MRPL57: variants seen among roughly 807,000 people sequenced by gnomAD.
MRPL57 encodes mitochondrial ribosomal protein L57, also known as large ribosomal subunit protein mL63.
In MRPL57, 1 loss-of-function variant was observed where a neutral mutation model predicts 1.3. The ratio of observed to expected loss-of-function variants is 0.79; its 90% CI spans 0.28 to 3.75. The LOEUF (loss-of-function observed/expected upper bound fraction) is 3.75. Among genes scored for constraint, MRPL57 ranks in the 30% most tolerant of loss-of-function variants. MRPL57 has a pLI of 0.19. For synonymous variants in MRPL57, 79 were observed against 61.7 expected, an observed-to-expected ratio of 1.28 and a Z score of -1.31; for missense variants, 170 against 148.9, an observed-to-expected ratio of 1.14 and a Z score of -0.74.
In MRPL57 at chr13:21,177,241, C is replaced by T; in HGVS notation, c.*16C>T. The T allele has an allele frequency of 4.3e-6, 7 of 1,612,268 alleles. No homozygotes were observed. The highest frequency in any genetic ancestry group is 1.3e-5 in the African/African-American group (1 of 74,990). ...ATGGTCCTAATCCTGAGTCGTCACCCTTGGATTTTATGGATCACGGAGCTG... is the reference window on the plus strand; with the variant it reads ...ATGGTCCTAATCCTGAGTCGTCACCTTTGGATTTTATGGATCACGGAGCTG... On this transcript the variant is annotated 3_prime_UTR_variant, in exon 2 of 2. Transcript: ENST00000309594.
Position 21,177,187 on chromosome 13 carries a change from C to T in MRPL57, c.271C>T (p.Gln91Ter). ...KFPPHRFIAD[Q>*]LDHLNVTKKW... ...CCCCCCGCATAGATTCATTGCGGAC[C>T]AGCTCGACCATCTCAATGTCACCAA... Residue 91 changes from glutamine to a stop codon, truncating the protein, a stop_gained, in exon 2 of 2, where the codon CAG becomes TAG. Coordinates refer to ENST00000309594, the MANE Select transcript of MRPL57 (RefSeq NM_024026.5). LOFTEE classifies it high-confidence loss of function. 1 of 1,614,138 alleles carries T rather than the reference C, an allele frequency of 6.2e-7. No individual in the cohort carries two copies. The highest frequency in any genetic ancestry group is 8.5e-7 in the Non-Finnish European group (1 of 1,180,048).
chr13:21,176,788 G>A, intron 1 of MRPL57, 71 bp downstream of exon 1: 1 of 1,041,172 alleles, frequency 9.6e-7, no homozygotes, highest in East Asian at 2.5e-5. Context: ...TGGGCTCCCC[G>A]CTTCTCTGGA....
chr13:21,176,938 T>G lies in MRPL57; in HGVS notation c.22T>G (p.Trp8Gly), dbSNP rs1354370782. Residue 8 changes from tryptophan to glycine, a missense_variant, in exon 2 of 2, where the codon TGG becomes GGG. Physicochemically the swap from Trp to Gly is radical, Grantham distance 184. Coordinates refer to ENST00000309594, the MANE Select transcript of MRPL57 (RefSeq NM_024026.5). ...CACCATGTTCCTGACTGCGCTCCTC[T>G]GGCGCGGCCGCATTCCCGGCCGTCA... MFLTALL[W>G]RGRIPGRQWI... is the part of the protein sequence containing the mutation. 6.2e-7 allele frequency: 1 copy of G among 1,610,138 alleles called. No individual in the cohort carries two copies. The highest frequency in any genetic ancestry group is 1.1e-5 in the South Asian group (1 of 91,060).
chr13:21,177,922 GTTGCAGTGAGCCGAGAGCATGC>G lies in MRPL57; in HGVS notation c.*698_*719del, dbSNP rs1417758822. The G allele has an allele frequency of 6.1e-6, 1 of 162,796 alleles. No individual in the cohort carries two copies. The highest frequency in any genetic ancestry group is 2.4e-5 in the African/African-American group (1 of 41,434). The allele number at this position is 162,796 out of a possible 1,614,324, so 10.1% of individuals were successfully genotyped here. ...AGGCAGAGGTTGCAATGAAGCGGAG[GTTGCAGTGAGCCGAGAGCATGC>G]CGCTGCACTCCAGCCTGGGAGACTG... On this transcript the variant is annotated 3_prime_UTR_variant, in exon 2 of 2. Transcript: ENST00000309594.
chr13:21,178,514 G>GA lies in MRPL57; in HGVS notation c.*1291dup, dbSNP rs1871707200. 6.0e-6 allele frequency: 1 copy of GA among 166,918 alleles called. No homozygotes were observed. The highest frequency in any genetic ancestry group is 2.4e-5 in the African/African-American group (1 of 41,476). 10.3% of individuals were successfully genotyped at this position (166,918 alleles called of 1,614,324 possible). ...ACTATTGACTGGGAAGACACACAAA[G>GA]AACTTTGTCAAAGTTGTATGGCTGA... is the stretch of plus-strand genomic sequence containing the variant. On this transcript the variant is annotated 3_prime_UTR_variant, in exon 2 of 2. Coordinates refer to ENST00000309594, the MANE Select transcript of MRPL57 (RefSeq NM_024026.5).
Position 21,177,272 on chromosome 13 carries a change from C to A in MRPL57, c.*47C>A, listed in dbSNP as rs758258811. 6.3e-7 allele frequency: 1 copy of A among 1,580,546 alleles called. No homozygotes were observed. The highest frequency in any genetic ancestry group is 1.3e-5 in the African/African-American group (1 of 74,156). On this transcript the variant is annotated 3_prime_UTR_variant, in exon 2 of 2. Transcript: ENST00000309594. ...TTTTATGGATCACGGAGCTGACCATCTTTACCTGGTCCTGGAACTGAAAAA... is the reference window on the plus strand; with the variant it reads ...TTTTATGGATCACGGAGCTGACCATATTTACCTGGTCCTGGAACTGAAAAA...
rs377527771 is a variant in MRPL57 at position 21,176,870 on chromosome 13, G to A, written c.-5-42G>A. On this transcript the variant is annotated intron_variant, in intron 1 of 1. Coordinates refer to ENST00000309594, the MANE Select transcript of MRPL57 (RefSeq NM_024026.5). ...CCCGCTGCTCTCTCCAGGTCCGGCC[G>A]CGCCAGTTCGCCTCCGCAAAGCCCG... The A allele has an allele frequency of 5.3e-5, 84 of 1,583,492 alleles. No homozygotes were observed. In the African/African-American group the frequency reaches 1.1e-3, roughly 20 times the overall value.
At position 21,177,248 on chromosome 13, in the gene MRPL57, T is replaced by C; in HGVS notation, c.*23T>C. On this transcript the variant is annotated 3_prime_UTR_variant, in exon 2 of 2. Coordinates refer to ENST00000309594, the MANE Select transcript of MRPL57 (RefSeq NM_024026.5). Reference sequence around the variant, plus strand: ...TAATCCTGAGTCGTCACCCTTGGATTTTATGGATCACGGAGCTGACCATCT... The same window carrying C: ...TAATCCTGAGTCGTCACCCTTGGATCTTATGGATCACGGAGCTGACCATCT... 1 of 1,611,208 alleles carries C rather than the reference T, an allele frequency of 6.2e-7. No individual in the cohort carries two copies. The highest frequency in any genetic ancestry group is 8.5e-7 in the Non-Finnish European group (1 of 1,179,170).
Position 21,176,989 on chromosome 13 carries a change from C to T in MRPL57, c.73C>T (p.Arg25Trp), listed in dbSNP as rs760259136. Residue 25 changes from arginine (R) to tryptophan (W), a missense_variant, in exon 2 of 2, where the codon CGG becomes TGG. Arg to Trp is a moderately radical substitution (Grantham distance 101). Transcript: ENST00000309594. ...RQWIGKHRRP[R>W]FVSLRAKQNM... ...GTGGATCGGGAAGCACCGGCGGCCG[C>T]GGTTCGTGTCGTTGCGCGCCAAGCA... The T allele has an allele frequency of 3.7e-6, 6 of 1,612,172 alleles. No homozygotes were observed. Among genetic ancestry groups the T allele is most frequent in the Non-Finnish European group, 5.1e-6 (6 of 1,179,926 alleles).
intron 1 of MRPL57, 77 bp downstream of exon 1, chr13:21,176,794 C>G: frequency 9.1e-7 from 1 of 1,101,516 alleles, no homozygotes; most frequent in Admixed American, 2.6e-5. Context: ...CCCCGCTTCT[C>G]TGGAGGGGAG....
rs1379836798 is a variant in MRPL57, at chr13:21,179,002, C to CT, written c.*1783dup. The CT allele has an allele frequency of 6.0e-6, 1 of 166,842 alleles. No homozygotes were observed. The highest frequency in any genetic ancestry group is 2.4e-5 in the African/African-American group (1 of 41,376). 10.3% of individuals were successfully genotyped at this position (166,842 alleles called of 1,614,324 possible). ...CATATAATAATATAAATAAAAATAT[C>CT]TTTTTTGAAAATAATTTAATATACC... On this transcript the variant is annotated 3_prime_UTR_variant, in exon 2 of 2. Coordinates refer to ENST00000309594, the MANE Select transcript of MRPL57 (RefSeq NM_024026.5).
rs9550716 is a variant in MRPL57 at position 21,176,751 on chromosome 13, G to C, written c.-6+34G>C. 9.5e-6 allele frequency: 7 copies of C among 737,638 alleles called. No individual in the cohort carries two copies. The South Asian group carries it at 1.3e-4, about 14-fold the overall frequency. The allele number at this position is 737,638 out of a possible 1,614,324, so 45.7% of individuals were successfully genotyped here. On this transcript the variant is annotated intron_variant, in intron 1 of 1. Coordinates refer to ENST00000309594, the MANE Select transcript of MRPL57 (RefSeq NM_024026.5). ...CTGTGCGAATTCGGTTCTCTAGGGA[G>C]CTCCTTCTTCGCCTGCTGGCCTTAC...
In MRPL57 at chr13:21,177,133, G is replaced by T. The variant is rs1231485790; in HGVS notation, c.217G>T (p.Ala73Ser). Residue 73 changes from alanine (A) to serine (S), a missense_variant, in exon 2 of 2, where the codon GCC becomes TCC. Transcript: ENST00000309594. ...AAVRRREAFEAIKAAATSKFP... is the reference protein window; with the variant it reads ...AAVRRREAFESIKAAATSKFP... ...GGTGCGCAGGAGGGAGGCCTTCGAG[G>T]CCATAAAGGCGGCCGCCACTTCCAA... The T allele has an allele frequency of 6.2e-7, 1 of 1,613,948 alleles. No individual in the cohort carries two copies. Among genetic ancestry groups the T allele is most frequent in the Non-Finnish European group, 8.5e-7 (1 of 1,180,040 alleles).
rs904291956 is a variant in MRPL57 at position 21,176,688 on chromosome 13, G to A, written c.-35G>A. 7 of 662,570 alleles carry A rather than the reference G, an allele frequency of 1.1e-5. No individual in the cohort carries two copies. The highest frequency in any genetic ancestry group is 3.8e-5 in the African/African-American group (2 of 53,108). 41.0% of individuals were successfully genotyped at this position (662,570 alleles called of 1,614,324 possible). On this transcript the variant is annotated 5_prime_UTR_variant, in exon 1 of 2. Coordinates refer to ENST00000309594, the MANE Select transcript of MRPL57 (RefSeq NM_024026.5). ...CGCCACGGCGTCTGCTGGCGGCCGC[G>A]GAGACGCAGAGTCTTGAGCAGCGCG...
In MRPL57 at chr13:21,177,055, T is replaced by C; in HGVS notation, c.139T>C (p.Tyr47His). The C allele has an allele frequency of 1.2e-6, 2 of 1,613,744 alleles. No homozygotes were observed. Among genetic ancestry groups the C allele is most frequent in the Non-Finnish European group, 8.5e-7 (1 of 1,180,006 alleles). The change falls in exon 2 of 2, where the codon TAC becomes CAC. Residue 47 changes from tyrosine to histidine, a missense_variant. Transcript: ENST00000309594. ...CCTGGAGATCGAGGCGGAGAACCAT[T>C]ACTGGCTGAGCATGCCCTACATGAC... ...RRLEIEAENH[Y>H]WLSMPYMTRE...
At position 21,177,116 on chromosome 13, in the gene MRPL57, GGA is replaced by G; in HGVS notation, c.202_203del (p.Arg68GlyfsTer18). 1 of 1,613,990 alleles carries G rather than the reference GGA, an allele frequency of 6.2e-7. No individual in the cohort carries two copies. Among genetic ancestry groups the G allele is most frequent in the Non-Finnish European group, 8.5e-7 (1 of 1,180,038 alleles). Reference sequence around the variant, plus strand: ...GAGCGCGGCCACGCCGCGGTGCGCAGGAGGGAGGCCTTCGAGGCCATAAAGGC... The same window carrying G: ...GAGCGCGGCCACGCCGCGGTGCGCAGGGGAGGCCTTCGAGGCCATAAAGGC... On this transcript the variant is annotated frameshift_variant, in exon 2 of 2. Coordinates refer to ENST00000309594, the MANE Select transcript of MRPL57 (RefSeq NM_024026.5). LOFTEE classifies it low-confidence loss of function (END_TRUNC).
intron 1 of MRPL57, 70 bp downstream of exon 1, chr13:21,176,787 C>A: frequency 1.9e-6 from 2 of 1,035,510 alleles, no homozygotes; most frequent in South Asian, 1.6e-5. Flanking sequence ...CTGGGCTCCC[C>A]GCTTCTCTGG....
rs142503617 is a variant in MRPL57, at chr13:21,177,070, C to T, written c.154C>T (p.Pro52Ser). The change falls in exon 2 of 2, where the codon CCC (proline) becomes TCC (serine). Residue 52 changes from proline (P) to serine (S), a missense_variant. Physicochemically the swap from Pro to Ser is moderately conservative, Grantham distance 74. Coordinates refer to ENST00000309594, the MANE Select transcript of MRPL57 (RefSeq NM_024026.5). ...GGAGAACCATTACTGGCTGAGCATG[C>T]CCTACATGACCCGGGAGCAGGAGCG... ...EAENHYWLSM[P>S]YMTREQERGH... 9.9e-6 allele frequency: 16 copies of T among 1,613,732 alleles called. No homozygotes were observed. The African/African-American group carries it at 1.6e-4, about 16-fold the overall frequency.
rs1871621249 is a variant in MRPL57, at chr13:21,177,120, G to A, written c.204G>A (p.Arg68=). 3.1e-6 allele frequency: 5 copies of A among 1,613,884 alleles called. No individual in the cohort carries two copies. The highest frequency in any genetic ancestry group is 4.2e-6 in the Non-Finnish European group (5 of 1,180,042). ...GCGGCCACGCCGCGGTGCGCAGGAG[G>A]GAGGCCTTCGAGGCCATAAAGGCGG... ...QERGHAAVRR[R]EAFEAIKAAA... is the part of the protein sequence containing the mutation. Residue 68 remains arginine, a synonymous_variant, in exon 2 of 2, where the codon AGG becomes AGA. Coordinates refer to ENST00000309594, the MANE Select transcript of MRPL57 (RefSeq NM_024026.5).
Sources: allele counts gnomAD v4.1 joint callset, GRCh38; gene constraint gnomAD v4.1.1; transcripts MANE v1.5; gene names NCBI Gene and HGNC (gene_info 2026-07-23, HGNC 2026-07-21).